Variants in FYB2 observed in about 807,000 individuals in gnomAD.
FYB2 encodes the protein FYN-binding protein 2.
FYB2 carries 103 observed loss-of-function variants against 94.1 expected under a neutral mutation model. That is an observed-to-expected ratio of 1.09 (90% CI 0.93 to 1.29). The LOEUF (loss-of-function observed/expected upper bound fraction) is 1.29. Ranked by LOEUF, FYB2 falls within the 50% of genes most tolerant of loss-of-function variation. FYB2 has a pLI of 0.00. For missense variants in FYB2, 896 were observed against 841.5 expected, an observed-to-expected ratio of 1.06 and a Z score of -0.80; for synonymous variants, 293 against 287.9, an observed-to-expected ratio of 1.02 and a Z score of -0.18.
chr1:56,816,336 G>T (rs1350198172), intron 1 of FYB2, among the ~76,000 whole-genome samples: 7 of 152,166 alleles, frequency 4.6e-5, no homozygotes, highest in Admixed American at 4.6e-4. Flanking sequence ...TAACTGTCAA[G>T]CAGAATGTCT....
chr1:56,798,393 T>G (rs1022150721), intron 1 of FYB2, among the ~76,000 whole-genome samples: 1 of 152,080 alleles, frequency 6.6e-6, no homozygotes, highest in African/African-American at 2.4e-5. Flanking sequence ...TAAAAGACAG[T>G]GGTGTCCTCT....
At chr1:56,776,088 C>T (rs1645869201) in intron 4 of FYB2, among the ~76,000 whole-genome samples, 1 of 152,104 alleles carries the variant, frequency 6.6e-6, no homozygotes, top group South Asian at 2.1e-4. Context: ...CCTTCTGATT[C>T]CTAGTCCATT....
chr1:56,773,885 G>A (rs1033805677), intron 4 of FYB2, among the ~76,000 whole-genome samples: 4 of 152,118 alleles, frequency 2.6e-5, no homozygotes, highest in Non-Finnish European at 4.4e-5. Context: ...ACAAGGGAAT[G>A]TGACACCATC....
chr1:56,797,737 T>G (rs940859525), intron 1 of FYB2, among the ~76,000 whole-genome samples: 1 of 152,200 alleles, frequency 6.6e-6, no homozygotes, highest in Non-Finnish European at 1.5e-5. Flanking sequence ...TGGAAATTCC[T>G]AAAATAATTT....
intron 1 of FYB2, among the ~76,000 whole-genome samples, chr1:56,794,255 C>T (rs1646343415): frequency 1.3e-5 from 2 of 152,106 alleles, no homozygotes; most frequent in African/African-American, 4.8e-5. Flanking sequence ...GGTGGTCCGG[C>T]CAGGTAGGTG....
chr1:56,744,409 A>G (rs1475279350), intron 9 of FYB2, 143 bp from the exon 10 acceptor site: 1 of 627,892 alleles, frequency 1.6e-6, no homozygotes, highest in Non-Finnish European at 2.8e-6. Context: ...GGTATGTATG[A>G]TCCTTGGGCA....
chr1:56,760,073 C>T (rs1645452811), intron 5 of FYB2, among the ~76,000 whole-genome samples: 1 of 80,072 alleles, frequency 1.2e-5, no homozygotes, highest in Non-Finnish European at 2.2e-5. Flanking sequence ...AGTGAGACTC[C>T]ATCACAAAAA....
At position 56,792,669 on chromosome 1, in the gene FYB2, A is replaced by C; in HGVS notation, c.144T>G (p.Ile48Met). The C allele has an allele frequency of 6.2e-7, 1 of 1,614,034 alleles. No individual in the cohort carries two copies. Among genetic ancestry groups the C allele is most frequent in the African/African-American group, 1.3e-5 (1 of 74,998 alleles). The part of the protein sequence containing the change: ...GDIGGTQSTQ[I>M]LANGKPLSSN... ...ATGAGAGGGGTTTCCCATTGGCCAAAATTTGAGTTGACTGTGTGCCTCCAA... is the reference window on the plus strand; with the variant it reads ...ATGAGAGGGGTTTCCCATTGGCCAACATTTGAGTTGACTGTGTGCCTCCAA... Residue 48 changes from isoleucine (I) to methionine (M), a missense_variant, in exon 2 of 20, where the codon ATT (isoleucine) becomes ATG (methionine). Ile to Met is a conservative substitution (Grantham distance 10). Coordinates refer to ENST00000343433, the MANE Select transcript of FYB2 (RefSeq NM_001004303.5).
At chr1:56,795,258 AC>A (rs1646369103) in intron 1 of FYB2, among the ~76,000 whole-genome samples, 1 of 152,066 alleles carries the variant, frequency 6.6e-6, no homozygotes, top group Non-Finnish European at 1.5e-5. Flanking sequence ...GTCTTATTTC[AC>A]TTATTACAAT....
intron 9 of FYB2, among the ~76,000 whole-genome samples, chr1:56,746,936 A>G (rs1360705877): frequency 6.6e-6 from 1 of 152,020 alleles, no homozygotes; most frequent in Non-Finnish European, 1.5e-5. Flanking sequence ...TAGTTGCTCC[A>G]TATCTTTACT....
intron 1 of FYB2, among the ~76,000 whole-genome samples, chr1:56,802,649 C>T (rs574689435): frequency 2.6e-5 from 4 of 152,234 alleles, no homozygotes; most frequent in Admixed American, 6.5e-5. Flanking sequence ...TCCCAGGAGC[C>T]TTCAAAGGTT....
intron 15 of FYB2, among the ~76,000 whole-genome samples, chr1:56,727,124 A>T (rs746131895): frequency 1.2e-4 from 18 of 152,114 alleles, no homozygotes; most frequent in Non-Finnish European, 2.2e-4. Flanking sequence ...GTCAGGTCTT[A>T]TGCTAAGCAT....
At chr1:56,817,833 TA>T (rs2101122971) in intron 1 of FYB2, among the ~76,000 whole-genome samples, 1 of 152,342 alleles carries the variant, frequency 6.6e-6, no homozygotes, top group South Asian at 2.1e-4. Flanking sequence ...CTAATTTGCC[TA>T]ACATTCTTCC....
chr1:56,821,715 A>G (rs2101141768), upstream of FYB2, among the ~76,000 whole-genome samples: 1 of 152,350 alleles, frequency 6.6e-6, no homozygotes, highest in South Asian at 2.1e-4. Context: ...GCACTTGGAT[A>G]TACAAATGAA....
At chr1:56,769,620 T>G (rs1645707832) in intron 4 of FYB2, among the ~76,000 whole-genome samples, 2 of 152,142 alleles carry the variant, frequency 1.3e-5, no homozygotes, top group South Asian at 4.1e-4. Context: ...ACGAGCAGGA[T>G]GGAGATTTTG....
In FYB2 at chr1:56,792,457, TG is replaced by T. The variant is rs753667559; in HGVS notation, c.355del (p.Gln119AsnfsTer6). ...QKASLLLEVT[Q>X]SNVEIITKEK... Reference sequence around the variant, plus strand: ...CTTAGTGATTATCTCAACATTTGATTGAGTCACCTCTAACAGCAGAGAAGCC... The same window carrying T: ...CTTAGTGATTATCTCAACATTTGATTAGTCACCTCTAACAGCAGAGAAGCC... On this transcript the variant is annotated frameshift_variant, in exon 2 of 20. Coordinates refer to ENST00000343433, the MANE Select transcript of FYB2 (RefSeq NM_001004303.5). LOFTEE classifies it high-confidence loss of function. The T allele has an allele frequency of 2.5e-6, 4 of 1,614,212 alleles. No individual in the cohort carries two copies. In the African/African-American group the frequency reaches 5.3e-5, roughly 22 times the overall value.
intron 1 of FYB2, among the ~76,000 whole-genome samples, chr1:56,794,637 C>A (rs1179759024): frequency 6.6e-6 from 1 of 151,996 alleles, no homozygotes; most frequent in Non-Finnish European, 1.5e-5. Context: ...ACTCTCTCTC[C>A]TTTTTCATCT....
chr1:56,720,029 C>T lies in FYB2; in HGVS notation c.2158G>A (p.Asp720Asn). ...TAAAATCAAACAGCTTACTTGAAAT[C>T]TAGATGTTCAATGAGCACATATCCA... ...KYGYVLIEHL[D>N]FKHQSWSP is the part of the protein sequence containing the mutation. Residue 720 changes from aspartate to asparagine, a missense_variant, in exon 19 of 20, where the codon GAT becomes AAT. Asp to Asn is a conservative substitution (Grantham distance 23). Coordinates refer to ENST00000343433, the MANE Select transcript of FYB2 (RefSeq NM_001004303.5). 1 of 1,600,996 alleles carries T rather than the reference C, an allele frequency of 6.2e-7. No individual in the cohort carries two copies. The highest frequency in any genetic ancestry group is 8.5e-7 in the Non-Finnish European group (1 of 1,173,860).
rs764377688 is a variant in FYB2, at chr1:56,736,424, C to CAT, written c.1793+662_1793+663insAT. Among the ~76,000 whole-genome samples, 4 of 119,992 alleles carry CAT rather than the reference C, an allele frequency of 3.3e-5. No individual in the cohort carries two copies. The East Asian group carries it at 7.2e-4, about 22-fold the overall frequency. The allele number at this position is 119,992 out of a possible 152,430, so 78.7% of individuals were successfully genotyped here. ...GAGGGAGCATCAAACTTAAGGATGG[C>CAT]TTTTTTTTTTTTTTTTTTTGGAACA... On this transcript the variant is annotated intron_variant, in intron 15 of 19. Coordinates refer to ENST00000343433, the MANE Select transcript of FYB2 (RefSeq NM_001004303.5).
Sources: allele counts gnomAD v4.1 joint callset (sites outside exome capture counted in the v4.1 genomes callset), GRCh38; gene constraint gnomAD v4.1.1; transcripts MANE v1.5; gene names NCBI Gene and HGNC (gene_info 2026-07-23, HGNC 2026-07-21).